Variants in ATAD2B observed in about 807,000 individuals in gnomAD.
ATAD2B encodes the protein ATPase family AAA domain-containing protein 2B.
In ATAD2B, 40 loss-of-function variants were observed where a neutral mutation model predicts 167.6. That is an observed-to-expected ratio of 0.24 (90% CI 0.19 to 0.31). The LOEUF is 0.31. Ranked by LOEUF, ATAD2B falls within the 10% of genes least tolerant of loss-of-function variation. The probability of loss-of-function intolerance (pLI) is 1.00; values close to 1 mark genes in which losing one functional copy is unlikely to be tolerated. For synonymous variants in ATAD2B, 579 were observed against 596.5 expected, an observed-to-expected ratio of 0.97 and a Z score of 0.43; for missense variants, 1,242 against 1,757.2, an observed-to-expected ratio of 0.71 and a Z score of 5.24.
At chr2:23,714,239 C>CTTT in the ATAD2B span, among the ~76,000 whole-genome samples, 2 of 136,502 alleles carry the variant, frequency 1.5e-5, no homozygotes, top group Non-Finnish European at 1.6e-5. Context: ...TCTCAAAATA[C>CTTT]TTTTTTTTTT....
intron 13 of ATAD2B, among the ~76,000 whole-genome samples, chr2:23,842,777 A>C (rs957779043): frequency 6.6e-6 from 1 of 152,232 alleles, no homozygotes; most frequent in African/African-American, 2.4e-5. Flanking sequence ...GAGCAGACTC[A>C]AAGGATCTAG....
chr2:23,870,584 C>T (rs1362741157), intron 8 of ATAD2B, among the ~76,000 whole-genome samples: 1 of 151,304 alleles, frequency 6.6e-6, no homozygotes, highest in Non-Finnish European at 1.5e-5. Flanking sequence ...CCGCACAGGG[C>T]CAGCAACCAA....
At chr2:23,860,952 C>T (rs1426790991) in intron 12 of ATAD2B, among the ~76,000 whole-genome samples, 2 of 151,988 alleles carry the variant, frequency 1.3e-5, no homozygotes, top group Non-Finnish European at 2.9e-5. Flanking sequence ...GCCCGGGCGA[C>T]AAAAGCGAAA....
the ATAD2B span, among the ~76,000 whole-genome samples, chr2:23,727,994 A>C: frequency 6.6e-6 from 1 of 152,218 alleles, no homozygotes; most frequent in African/African-American, 2.4e-5. Flanking sequence ...GCATGGTATT[A>C]AACATTTGTC....
chr2:23,795,291 AAAC>A (rs1682428139), intron 19 of ATAD2B, among the ~76,000 whole-genome samples: 1 of 152,284 alleles, frequency 6.6e-6, no homozygotes, highest in Non-Finnish European at 1.5e-5. Flanking sequence ...GCATTTTTTA[AAAC>A]AATACATTTA....
chr2:23,863,427 T>C lies in ATAD2B; in HGVS notation c.1433A>G (p.Lys478Arg). 1 of 1,552,402 alleles carries C rather than the reference T, an allele frequency of 6.4e-7. No individual in the cohort carries two copies. Among genetic ancestry groups the C allele is most frequent in the Non-Finnish European group, 8.7e-7 (1 of 1,147,162 alleles). ...FMRKGADCLSKWVGESERQLR... is the reference protein window; with the variant it reads ...FMRKGADCLSRWVGESERQLR... ...TTGCCTTTCAGATTCACCAACCCAC[T>C]TGCTCAAACAATCTGCTCCTTTTCG... The change falls in exon 12 of 28, where the codon AAG (lysine) becomes AGG (arginine). Residue 478 changes from lysine to arginine, a missense_variant. By Grantham distance (26) the Lys-to-Arg change is conservative. Coordinates refer to ENST00000238789, the MANE Select transcript of ATAD2B (RefSeq NM_017552.4).
chr2:23,695,392 T>C, the ATAD2B span, among the ~76,000 whole-genome samples: 1 of 152,218 alleles, frequency 6.6e-6, no homozygotes, highest in East Asian at 1.9e-4. The surrounding 1 kb of genome is among the most constrained non-coding windows in gnomAD (Gnocchi z 7.6). Context: ...CAGGGCTGGC[T>C]GCAGCCTGCC....
chr2:23,764,483 G>A (rs2149328116), intron 23 of ATAD2B, among the ~76,000 whole-genome samples: 1 of 152,252 alleles, frequency 6.6e-6, no homozygotes, highest in South Asian at 2.1e-4. Context: ...TAAATCACAA[G>A]CTCCTTAGCA....
the ATAD2B span, chr2:23,703,331 T>TA: frequency 1.3e-6 from 2 of 1,542,000 alleles, no homozygotes; most frequent in Non-Finnish European, 1.7e-6. Flanking sequence ...CCTCCAGTCT[T>TA]ACGTTCCTCA....
chr2:23,832,338 C>T (rs920732089), intron 14 of ATAD2B: 17 of 380,164 alleles, frequency 4.5e-5, no homozygotes, highest in Middle Eastern at 3.7e-4. Context: ...AGAAGAATGA[C>T]TTAGATTTCA....
At chr2:23,801,721 T>A (rs1683530760) in intron 18 of ATAD2B, among the ~76,000 whole-genome samples, 1 of 152,008 alleles carries the variant, frequency 6.6e-6, no homozygotes, top group Non-Finnish European at 1.5e-5. Flanking sequence ...TTTTAAAACT[T>A]TCTTTATTAA....
chr2:23,916,929 T>A (rs1226342991), intron 1 of ATAD2B, among the ~76,000 whole-genome samples: 6 of 152,178 alleles, frequency 3.9e-5, no homozygotes. Context: ...TCCACTAGAC[T>A]TTAAGTACAT....
chr2:23,884,947 C>T (rs1698459531), intron 5 of ATAD2B, 74 bp from the exon 6 acceptor site: 2 of 756,508 alleles, frequency 2.6e-6, no homozygotes, highest in South Asian at 6.9e-5. Context: ...CCCAATGGGA[C>T]ATACCTGCTC....
At chr2:23,864,315 A>G (rs534560620) in intron 11 of ATAD2B, among the ~76,000 whole-genome samples, 1 of 152,124 alleles carries the variant, frequency 6.6e-6, no homozygotes, top group South Asian at 2.1e-4. Flanking sequence ...AGAATATTCT[A>G]TTCTGCCCAA....
Position 23,867,876 on chromosome 2 carries a change from C to A in ATAD2B, c.1147G>T (p.Ala383Ser). ...GILRERVKVGASLADVDPMNI... is the reference protein window; with the variant it reads ...GILRERVKVGSSLADVDPMNI... ...ATTGGATCAACATCAGCCAAGCTTG[C>A]ACCCACTTTCACTCGTTCTCGGAGA... Residue 383 changes from alanine (A) to serine (S), a missense_variant, in exon 10 of 28, where the codon GCA becomes TCA. By Grantham distance (99) the Ala-to-Ser change is moderately conservative. Around this residue, in one of 9 missense-constraint regions of ATAD2B, gnomAD observed 127 missense variants for 146.3 expected, o/e 0.87. Coordinates refer to ENST00000238789, the MANE Select transcript of ATAD2B (RefSeq NM_017552.4). 4 of 1,613,658 alleles carry A rather than the reference C, an allele frequency of 2.5e-6. No individual in the cohort carries two copies. Among genetic ancestry groups the A allele is most frequent in the Non-Finnish European group, 3.4e-6 (4 of 1,179,692 alleles).
At chr2:23,862,510 A>G (rs1224072322) in intron 12 of ATAD2B, among the ~76,000 whole-genome samples, 1 of 148,156 alleles carries the variant, frequency 6.7e-6, no homozygotes, top group Non-Finnish European at 1.5e-5. Flanking sequence ...TCCGGGGCTC[A>G]TGCAATCCAT....
At chr2:23,754,135 A>G in intron 27 of ATAD2B, 44 bp downstream of exon 27, 1 of 1,424,810 alleles carries the variant, frequency 7.0e-7, no homozygotes, top group Non-Finnish European at 9.3e-7. Flanking sequence ...TGGAACAAGT[A>G]AAATCAAGTA....
intron 11 of ATAD2B, among the ~76,000 whole-genome samples, chr2:23,864,160 A>T (rs906338404): frequency 6.6e-6 from 1 of 151,480 alleles, no homozygotes; most frequent in African/African-American, 2.4e-5. Context: ...GCATGACACC[A>T]CCCCTAGCTA....
At chr2:23,881,592 A>G (rs1157274248) in intron 6 of ATAD2B, among the ~76,000 whole-genome samples, 2 of 151,978 alleles carry the variant, frequency 1.3e-5, no homozygotes, top group Non-Finnish European at 2.9e-5. Flanking sequence ...CGAACTCCAG[A>G]CCTGGTGATC....
Sources: allele counts gnomAD v4.1 joint callset (sites outside exome capture counted in the v4.1 genomes callset), GRCh38; gene constraint gnomAD v4.1.1; regional missense constraint gnomAD v4.1.1; non-coding constraint Gnocchi (gnomAD v3.1); transcripts MANE v1.5; gene names NCBI Gene and HGNC (gene_info 2026-07-23, HGNC 2026-07-21).